The following LAS1L variants were observed in gnomAD, a reference collection of about 807,000 sequenced individuals.
The protein encoded by LAS1L is ribosomal biogenesis protein LAS1L.
Under a neutral mutation model 57.3 loss-of-function variants are expected in LAS1L, and 5 were observed. The observed-to-expected ratio is 0.09, with a 90% CI of 0.05 to 0.18. The LOEUF is 0.18. Ranked by LOEUF, LAS1L falls within the 10% of genes least tolerant of loss-of-function variation. LAS1L has a pLI of 1.00. For synonymous variants in LAS1L, 245 were observed against 231.7 expected (o/e 1.06, Z -0.52); for missense variants, 360 against 568.3 (o/e 0.63, Z 3.73).
In LAS1L at chrX:65,518,947, G is replaced by A. The variant is rs1406942817; in HGVS notation, c.1449-482C>T. On this transcript the variant is annotated intron_variant, in intron 11 of 13. Coordinates refer to ENST00000374811, the MANE Select transcript of LAS1L (RefSeq NM_031206.7). ...TGGAAGTGTTCTGTGCTCCTTCTGC[G>A]TGGAACACAAACTGTGATCCCTTTA... 7 of 752,035 alleles carry A rather than the reference G, an allele frequency of 9.3e-6. No individual in the cohort carries two copies. The South Asian group carries it at 2.0e-4, about 22-fold the overall frequency. The allele number at this position is 752,035 out of a possible 1,213,427, so 62.0% of individuals were successfully genotyped here.
chrX:65,520,235 C>T (rs2068798202), intron 11 of LAS1L, among the ~76,000 whole-genome samples: 1 of 111,763 alleles, frequency 8.9e-6, no homozygotes, highest in South Asian at 3.7e-4. Context: ...TTTGGGCTCA[C>T]ACCACCTGGG....
rs189528706 is a variant in LAS1L at position 65,526,933 on chromosome X, C to T, written c.956+1327G>A. 1.4e-3 allele frequency among the ~76,000 whole-genome samples: 157 copies of T among 110,738 alleles called. 1 individual carries two copies. Among genetic ancestry groups the T allele is most frequent in the Middle Eastern group, 4.6e-3 (1 of 217 alleles). ...GGCAGTTCAAAAGAAAACACCAGGA[C>T]GGGCGTGGTGGCTCACATCTGTAAT... On this transcript the variant is annotated intron_variant, in intron 7 of 13. Transcript: ENST00000374811.
intron 7 of LAS1L, among the ~76,000 whole-genome samples, chrX:65,527,609 G>A (rs1301852015): frequency 9.1e-6 from 1 of 109,953 alleles, no homozygotes; most frequent in Non-Finnish European, 1.9e-5. Flanking sequence ...CAGAAGGGCA[G>A]GTCATTTGAG....
chrX:65,521,444 G>T, intron 11 of LAS1L: 1 of 165,428 alleles, frequency 6.0e-6, no homozygotes, highest in Non-Finnish European at 1.0e-5. Flanking sequence ...GAGACACTAA[G>T]GGAAGTAGAC....
chrX:65,534,614 C>A lies in LAS1L; in HGVS notation c.102G>T (p.Leu34Phe), dbSNP rs772414321. 1 of 1,202,017 alleles carries A rather than the reference C, an allele frequency of 8.3e-7. No individual in the cohort carries two copies. Among genetic ancestry groups the A allele is most frequent in the South Asian group, 1.8e-5 (1 of 55,412 alleles). The change falls in exon 1 of 14, where the codon TTG (leucine) becomes TTT (phenylalanine). Residue 34 changes from leucine to phenylalanine, a missense_variant. By Grantham distance (22) the Leu-to-Phe change is conservative. Coordinates refer to ENST00000374811, the MANE Select transcript of LAS1L (RefSeq NM_031206.7). ...CCACGATGCCGTGGGCCGAGAGTGG[C>A]AACGACCCTTTCCCTTTAACGCACT... is the stretch of plus-strand genomic sequence containing the variant. ...YGKCVKGKGSLPLSAHGIVVA... is the reference protein window; with the variant it reads ...YGKCVKGKGSFPLSAHGIVVA...
intron 7 of LAS1L, 66 bp downstream of exon 7, chrX:65,528,194 G>A (rs1043142980): frequency 7.0e-6 from 5 of 712,186 alleles, no homozygotes; most frequent in Admixed American, 5.4e-5. Context: ...TAGGGAAACC[G>A]ATTTCAATGA....
intron 11 of LAS1L, 49 bp downstream of exon 11, chrX:65,523,511 A>T: frequency 9.0e-7 from 1 of 1,113,417 alleles, no homozygotes; most frequent in Non-Finnish European, 1.2e-6. Flanking sequence ...TGTGGCCCTG[A>T]GGCTTGAAGG....
At chrX:65,525,238 C>T in intron 7 of LAS1L, among the ~76,000 whole-genome samples, 188 bp from the exon 8 acceptor site, 1 of 111,953 alleles carries the variant, frequency 8.9e-6, no homozygotes, top group Middle Eastern at 4.6e-3. Flanking sequence ...CTTCAGCCTC[C>T]TCAGGCAGGG....
chrX:65,516,634 T>TACACAC (rs2068638491), intron 12 of LAS1L, among the ~76,000 whole-genome samples: 1 of 71,755 alleles, frequency 1.4e-5, no homozygotes, highest in Non-Finnish European at 2.4e-5. Context: ...CCCTTTTTCC[T>TACACAC]ATACACACAC....
chrX:65,517,372 C>T (rs1309183223), intron 12 of LAS1L, among the ~76,000 whole-genome samples: 1 of 109,526 alleles, frequency 9.1e-6, no homozygotes, highest in South Asian at 4.0e-4. Flanking sequence ...CTCAGCCTCC[C>T]GAGTAGCTGG....
At position 65,534,735 on chromosome X, in the gene LAS1L, T is replaced by C; in HGVS notation, c.-20A>G. ...CGACATACTGAGCTCAACAACAGGCTCTGTGCCGCGCCGCTCCGCACAGCC... is the reference window on the plus strand; with the variant it reads ...CGACATACTGAGCTCAACAACAGGCCCTGTGCCGCGCCGCTCCGCACAGCC... On this transcript the variant is annotated 5_prime_UTR_variant, in exon 1 of 14. Coordinates refer to ENST00000374811, the MANE Select transcript of LAS1L (RefSeq NM_031206.7). The C allele has an allele frequency of 8.9e-7, 1 of 1,122,179 alleles. No homozygotes were observed. Among genetic ancestry groups the C allele is most frequent in the South Asian group, 2.0e-5 (1 of 50,767 alleles). The allele number at this position is 1,122,179 out of a possible 1,213,427, so 92.5% of individuals were successfully genotyped here.
chrX:65,528,604 TG>T lies in LAS1L; in HGVS notation c.847-236del, dbSNP rs760145737. ...CTTCCTCCTCCAACTGAATTTCCTG[TG>T]GGTAAATACTGAGATGTTCAATGGG... On this transcript the variant is annotated intron_variant, in intron 6 of 13. Transcript: ENST00000374811. 3.6e-5 allele frequency among the ~76,000 whole-genome samples: 4 copies of T among 112,528 alleles called. No individual in the cohort carries two copies. In the South Asian group the frequency reaches 1.5e-3, roughly 41 times the overall value.
rs771075430 is a variant in LAS1L at position 65,533,061 on chromosome X, G to A, written c.363-431C>T. On this transcript the variant is annotated intron_variant, in intron 2 of 13. Transcript: ENST00000374811. Reference sequence around the variant, plus strand: ...AGACTTTGACAGATATGAAAACTCAGTAGCAACCTTTTTTTCCGACGTGTA... The same window carrying A: ...AGACTTTGACAGATATGAAAACTCAATAGCAACCTTTTTTTCCGACGTGTA... 1.3e-4 allele frequency among the ~76,000 whole-genome samples: 15 copies of A among 111,869 alleles called. No individual in the cohort carries two copies. In the South Asian group the frequency reaches 5.6e-3, roughly 42 times the overall value.
chrX:65,520,975 T>C, intron 11 of LAS1L: 7 of 754,067 alleles, frequency 9.3e-6, no homozygotes, highest in Non-Finnish European at 9.4e-6. Context: ...ATGCCTCCTC[T>C]TGAAACTCTG....
At chrX:65,523,817 T>C (rs1245005748) in intron 10 of LAS1L, 110 bp from the exon 11 acceptor site, 1 of 877,295 alleles carries the variant, frequency 1.1e-6, no homozygotes, top group African/African-American at 2.1e-5. Flanking sequence ...ACTCCCCACC[T>C]ATACCTCCCA....
rs749347831 is a variant in LAS1L, at chrX:65,525,663, G to C, written c.957-613C>G. On this transcript the variant is annotated intron_variant, in intron 7 of 13. Coordinates refer to ENST00000374811, the MANE Select transcript of LAS1L (RefSeq NM_031206.7). ...CATCCCTATCTATTAACCCATTTAT[G>C]CCGAGTGTTCCATTATTGGAACGCT... is the stretch of plus-strand genomic sequence containing the variant. Among the ~76,000 whole-genome samples the C allele has an allele frequency of 1.4e-3, 149 of 103,479 alleles. 1 individual carries two copies. The highest frequency in any genetic ancestry group is 5.4e-3 in the African/African-American group (141 of 25,883). The allele number at this position is 103,479 out of a possible 115,157, so 89.9% of individuals were successfully genotyped here.
intron 12 of LAS1L, among the ~76,000 whole-genome samples, chrX:65,517,250 C>CTTTTTT (rs397895342): frequency 1.2e-5 from 1 of 83,322 alleles, no homozygotes; most frequent in African/African-American, 7.4e-5. Context: ...TTCTTTCTTT[C>CTTTTTT]TTTTTTTTTT....
rs768784285 is a variant in LAS1L, at chrX:65,515,924, G to A, written c.1928-951C>T. Reference sequence around the variant, plus strand: ...AGATGCTCCACTTTAGAATGGGGATGCCGGACATCCCCCATCCCTCTCTGT... The same window carrying A: ...AGATGCTCCACTTTAGAATGGGGATACCGGACATCCCCCATCCCTCTCTGT... On this transcript the variant is annotated intron_variant, in intron 12 of 13. Coordinates refer to ENST00000374811, the MANE Select transcript of LAS1L (RefSeq NM_031206.7). 2.7e-5 allele frequency among the ~76,000 whole-genome samples: 3 copies of A among 111,966 alleles called. No individual in the cohort carries two copies. The South Asian group carries it at 1.1e-3, about 42-fold the overall frequency.
intron 6 of LAS1L, 147 bp downstream of exon 6, chrX:65,529,065 T>A (rs1484780600): frequency 5.5e-5 from 29 of 531,714 alleles, no homozygotes; most frequent in Non-Finnish European, 8.1e-5. Context: ...TCCTTCCTAG[T>A]TCCCCCCTCT....
Sources: allele counts gnomAD v4.1 joint callset (sites outside exome capture counted in the v4.1 genomes callset), GRCh38; gene constraint gnomAD v4.1.1; transcripts MANE v1.5; gene names NCBI Gene and HGNC (gene_info 2026-07-23, HGNC 2026-07-21).